RERE: variants seen among roughly 807,000 people sequenced by gnomAD.
RERE encodes arginine-glutamic acid dipeptide repeats protein.
RERE carries 40 observed loss-of-function variants against 146.1 expected under a neutral mutation model. The ratio of observed to expected loss-of-function variants is 0.27; its 90% CI spans 0.21 to 0.36. RERE has a LOEUF of 0.36. RERE is among the 10% of genes least tolerant of loss of function. RERE has a pLI of 1.00. For synonymous variants in RERE, 1,003 were observed against 866.0 expected (o/e 1.16, Z -2.78); for missense variants, 1,933 against 2,138.7 (o/e 0.90, Z 1.90).
intron 7 of RERE, among the ~76,000 whole-genome samples, chr1:8,530,551 G>C (rs1174528203): frequency 6.6e-6 from 1 of 152,128 alleles, no homozygotes. Flanking sequence ...TAGAGAAAAA[G>C]TTTGGAAGAG....
At chr1:8,743,405 A>C (rs918066961) in intron 1 of RERE, among the ~76,000 whole-genome samples, 2 of 148,956 alleles carry the variant, frequency 1.3e-5, no homozygotes, top group African/African-American at 5.0e-5. Context: ...CAGCCTCCCG[A>C]GTAGCTGGGA....
At chr1:8,495,520 C>T (rs1483044624) in intron 9 of RERE, among the ~76,000 whole-genome samples, 1 of 152,298 alleles carries the variant, frequency 6.6e-6, no homozygotes, top group Non-Finnish European at 1.5e-5. Context: ...CAGTGTTGGT[C>T]GGGCTGGTCT....
At chr1:8,533,983 A>G (rs370740182) in intron 7 of RERE, among the ~76,000 whole-genome samples, 26 of 152,236 alleles carry the variant, frequency 1.7e-4, no homozygotes, top group African/African-American at 4.8e-4. Flanking sequence ...ACCATCTCCA[A>G]TATTTTCCAT....
chr1:8,497,307 T>C (rs1275913663), intron 9 of RERE, 98 bp downstream of exon 9: 2 of 1,346,340 alleles, frequency 1.5e-6, no homozygotes, highest in Non-Finnish European at 2.1e-6. Flanking sequence ...GAACGCCCAA[T>C]ATAGAAATAA....
rs767285567 is a variant in RERE, at chr1:8,360,374, G to A, written c.3133C>T (p.Pro1045Ser). The change falls in exon 18 of 23, where the codon CCT becomes TCT. Residue 1045 changes from proline to serine, a missense_variant. Coordinates refer to ENST00000400908, the MANE Select transcript of RERE (RefSeq NM_001042681.2). ...GGGCAGGTCGGAGGGGTGATGGGAG[G>A]AGGGCCTCCAGGGACAAAGGGGTGC... ...AQHPFVPGGP[P>S]PITPPTCPST... 1.1e-4 allele frequency: 157 copies of A among 1,453,902 alleles called. No individual in the cohort carries two copies. The African/African-American group carries it at 2.0e-3, about 19-fold the overall frequency. 90.1% of individuals were successfully genotyped at this position (1,453,902 alleles called of 1,614,324 possible). A position where few individuals can be genotyped will look rare whatever the true frequency, so the allele number is the denominator to read the frequency against.
Position 8,607,528 on chromosome 1 carries a change from ATATTTCTTTTTTTTTT to A in RERE, c.522+7017_522+7032del, listed in dbSNP as rs1227809449. On this transcript the variant is annotated intron_variant, in intron 4 of 22. Transcript: ENST00000400908. ...AAGCCCCGCATATTTGTTTTTATAT[ATATTTCTTTTTTTTTT>A]TTTTTTTTTTTTTTTTTTTGAGACG... Among the ~76,000 whole-genome samples the A allele has an allele frequency of 9.1e-5, 7 of 76,970 alleles. No homozygotes were observed. In the East Asian group the frequency reaches 5.2e-3, roughly 57 times the overall value. 50.5% of individuals were successfully genotyped at this position (76,970 alleles called of 152,430 possible).
chr1:8,364,929 C>A lies in RERE; in HGVS notation c.1448-91G>T. 2.7e-6 allele frequency: 2 copies of A among 739,774 alleles called. No homozygotes were observed. Among genetic ancestry groups the A allele is most frequent in the Non-Finnish European group, 4.6e-6 (2 of 432,598 alleles). 45.8% of individuals were successfully genotyped at this position (739,774 alleles called of 1,614,324 possible). ...GTGGGGTGGGGGGGAGGGGGGAACA[C>A]CTGTGACCTCTGGCCTACTGCAGGT... On this transcript the variant is annotated intron_variant, in intron 13 of 22. Transcript: ENST00000400908. The surrounding 1 kb of genome is among the most constrained non-coding windows in gnomAD (Gnocchi z 5.1).
intron 1 of RERE, among the ~76,000 whole-genome samples, chr1:8,813,451 C>T (rs1641850955): frequency 6.6e-6 from 1 of 152,054 alleles, no homozygotes; most frequent in South Asian, 2.1e-4. Context: ...TGAATGCTTA[C>T]TAAATCCATG....
chr1:8,742,727 G>T (rs1463807465), intron 1 of RERE, among the ~76,000 whole-genome samples: 1 of 151,990 alleles, frequency 6.6e-6, no homozygotes, highest in Non-Finnish European at 1.5e-5. Context: ...AATTAGCCAG[G>T]CGTGATGGGG....
At position 8,364,857 on chromosome 1, in the gene RERE, T is replaced by A; in HGVS notation, c.1448-19A>T. ...AGGTCCACTGGGCGTGGCAGGCACA[T>A]AGTGGGGGTGGGGGAGACACCATCA... On this transcript the variant is annotated intron_variant, in intron 13 of 22. Transcript: ENST00000400908. The surrounding 1 kb of genome is among the most constrained non-coding windows in gnomAD (Gnocchi z 5.1). The A allele has an allele frequency of 1.5e-6, 2 of 1,316,450 alleles. No individual in the cohort carries two copies. The highest frequency in any genetic ancestry group is 1.2e-5 in the South Asian group (1 of 84,700). The allele number at this position is 1,316,450 out of a possible 1,614,324, so 81.5% of individuals were successfully genotyped here. A position where few individuals can be genotyped will look rare whatever the true frequency, so the allele number is the denominator to read the frequency against.
intron 1 of RERE, among the ~76,000 whole-genome samples, chr1:8,812,517 C>T (rs1641832165): frequency 6.6e-6 from 1 of 152,122 alleles, no homozygotes; most frequent in African/African-American, 2.4e-5. Flanking sequence ...TGTGGTGGCA[C>T]ATGTCTGTAA....
intron 2 of RERE, among the ~76,000 whole-genome samples, chr1:8,632,777 T>C (rs1230181006): frequency 6.6e-6 from 1 of 152,232 alleles, no homozygotes; most frequent in Non-Finnish European, 1.5e-5. Flanking sequence ...AATGTACATA[T>C]TCATTTAATA....
At chr1:8,775,435 T>A (rs907190495) in intron 1 of RERE, among the ~76,000 whole-genome samples, 4 of 152,080 alleles carry the variant, frequency 2.6e-5, no homozygotes, top group Non-Finnish European at 5.9e-5. Context: ...AAAATAAAAA[T>A]TAGCCAGATG....
chr1:8,734,091 G>A (rs1640147673), intron 1 of RERE, among the ~76,000 whole-genome samples: 1 of 152,082 alleles, frequency 6.6e-6, no homozygotes, highest in Non-Finnish European at 1.5e-5. Context: ...TAGGCAAAAA[G>A]GTGAGACTCC....
Position 8,356,185 on chromosome 1 carries a change from G to A in RERE, c.4401C>T (p.Arg1467=), listed in dbSNP as rs774662004. The A allele has an allele frequency of 2.0e-6, 3 of 1,521,402 alleles. No individual in the cohort carries two copies. Among genetic ancestry groups the A allele is most frequent in the Non-Finnish European group, 1.7e-6 (2 of 1,145,046 alleles). 94.2% of individuals were successfully genotyped at this position (1,521,402 alleles called of 1,614,324 possible). A position where few individuals can be genotyped will look rare whatever the true frequency, so the allele number is the denominator to read the frequency against. ...GGAGAGTGCCAGGCGGGTAGGGGAA[G>A]CGAGCCAGGTGGGGACCGGCAGTCA... The part of the protein sequence containing the change: ...DPLTAGPHLA[R]FPYPPGTLPN... The change falls in exon 21 of 23, where the codon CGC becomes CGT. Residue 1467 remains arginine (R), a synonymous_variant. Transcript: ENST00000400908. The surrounding 1 kb of genome is among the most constrained non-coding windows in gnomAD (Gnocchi z 5.2).
intron 11 of RERE, chr1:8,465,494 C>G (rs113380988): frequency 5.8e-6 from 2 of 344,408 alleles, no homozygotes; most frequent in African/African-American, 4.3e-5. Flanking sequence ...CAAAACCAGC[C>G]TGAGCAACAC....
intron 12 of RERE, among the ~76,000 whole-genome samples, chr1:8,379,711 C>T (rs973172967): frequency 6.6e-6 from 1 of 152,144 alleles, no homozygotes; most frequent in African/African-American, 2.4e-5. Flanking sequence ...AGGGGGCACG[C>T]GGGGGTCACT....
chr1:8,614,838 C>T, intron 3 of RERE, 152 bp from the exon 4 acceptor site: 1 of 854,010 alleles, frequency 1.2e-6, no homozygotes, highest in South Asian at 1.9e-5. Flanking sequence ...CTAAAGTTAA[C>T]CTTTTTGCAT....
intron 12 of RERE, among the ~76,000 whole-genome samples, chr1:8,392,564 C>A (rs911678104): frequency 2.0e-5 from 3 of 152,136 alleles, no homozygotes; most frequent in Non-Finnish European, 4.4e-5. Context: ...CATAAACACC[C>A]ACTTTGAACA....
Sources: allele counts gnomAD v4.1 joint callset (sites outside exome capture counted in the v4.1 genomes callset), GRCh38; gene constraint gnomAD v4.1.1; non-coding constraint Gnocchi (gnomAD v3.1); transcripts MANE v1.5; gene names NCBI Gene and HGNC (gene_info 2026-07-23, HGNC 2026-07-21).